The following FRMD4A variants were observed in gnomAD, a reference collection of about 807,000 sequenced individuals.
The protein encoded by FRMD4A is FERM domain-containing protein 4A.
Under a neutral mutation model 129.1 loss-of-function variants are expected in FRMD4A, and 29 were observed. The observed-to-expected ratio is 0.22, with a 90% CI of 0.17 to 0.31. FRMD4A has a LOEUF of 0.31. FRMD4A is among the 10% of genes least tolerant of loss of function. FRMD4A has a pLI of 1.00. For missense variants in FRMD4A, 1,272 were observed against 1,375.8 expected (o/e 0.92, Z 1.19); for synonymous variants, 634 against 571.6 (o/e 1.11, Z -1.56).
intron 2 of FRMD4A, among the ~76,000 whole-genome samples, chr10:14,249,903 C>T (rs1431737557): frequency 6.6e-6 from 1 of 152,142 alleles, no homozygotes; most frequent in Non-Finnish European, 1.5e-5. Flanking sequence ...AACACAACAA[C>T]ATATTAATGT....
intron 2 of FRMD4A, among the ~76,000 whole-genome samples, chr10:13,872,117 T>C (rs111682555): frequency 0.013 from 2,015 of 152,350 alleles, 23 homozygotes; most frequent in Non-Finnish European, 0.022. Flanking sequence ...AACCACTGAC[T>C]GCCGCCTACA....
At chr10:14,115,232 A>G (rs762156830) in intron 2 of FRMD4A, among the ~76,000 whole-genome samples, 1 of 152,206 alleles carries the variant, frequency 6.6e-6, no homozygotes, top group Non-Finnish European at 1.5e-5. Context: ...GTGACAATAG[A>G]CACCTGTGCT....
At chr10:13,695,457 T>A (rs1040145104) in intron 14 of FRMD4A, among the ~76,000 whole-genome samples, 1 of 152,220 alleles carries the variant, frequency 6.6e-6, no homozygotes, top group African/African-American at 2.4e-5. Context: ...GTGGTTTTTA[T>A]AAGGTATCTG....
chr10:14,161,877 T>G (rs1378485640), intron 2 of FRMD4A, among the ~76,000 whole-genome samples: 2 of 152,166 alleles, frequency 1.3e-5, no homozygotes, highest in Non-Finnish European at 2.9e-5. Context: ...GATTTGATCA[T>G]TACACATTGT....
chr10:14,004,133 G>T (rs566773082), intron 2 of FRMD4A, among the ~76,000 whole-genome samples: 18 of 152,192 alleles, frequency 1.2e-4, no homozygotes, highest in African/African-American at 4.3e-4. Flanking sequence ...TCCCAGAAAA[G>T]TTATCACCAC....
At chr10:14,219,201 G>A (rs1402129641) in intron 2 of FRMD4A, among the ~76,000 whole-genome samples, 1 of 152,060 alleles carries the variant, frequency 6.6e-6, no homozygotes, top group Admixed American at 6.6e-5. Context: ...GTTTTGCACT[G>A]TCCAAGCACT....
chr10:13,992,728 C>T (rs142805600), intron 2 of FRMD4A, among the ~76,000 whole-genome samples: 2,995 of 151,934 alleles, frequency 0.02, 90 homozygotes, highest in East Asian at 0.13. Flanking sequence ...CCAAGACACG[C>T]GGATCACCTG....
intron 2 of FRMD4A, among the ~76,000 whole-genome samples, chr10:14,278,507 C>T (rs566689951): frequency 6.6e-6 from 1 of 152,300 alleles, no homozygotes; most frequent in Admixed American, 6.5e-5. Context: ...CAGAAGTCTT[C>T]CTTTCAGCGA....
intron 20 of FRMD4A, 149 bp downstream of exon 20, chr10:13,660,167 G>A: frequency 1.7e-6 from 1 of 599,178 alleles, no homozygotes. Flanking sequence ...AGAGGGCGCT[G>A]TGAGCACGGC....
At chr10:14,219,454 T>G (rs1272733104) in intron 2 of FRMD4A, among the ~76,000 whole-genome samples, 3 of 152,156 alleles carry the variant, frequency 2.0e-5, no homozygotes, top group African/African-American at 7.2e-5. Context: ...CATCAGAAAT[T>G]TGCAAAGTAA....
chr10:13,920,991 A>C (rs1589276254), intron 2 of FRMD4A, among the ~76,000 whole-genome samples: 2 of 152,272 alleles, frequency 1.3e-5, no homozygotes, highest in South Asian at 2.1e-4. Context: ...CAGATGTCTT[A>C]GTCTGTTCAG....
chr10:13,782,015 T>C (rs1355224248), intron 6 of FRMD4A, among the ~76,000 whole-genome samples: 4 of 152,128 alleles, frequency 2.6e-5, no homozygotes, highest in Non-Finnish European at 5.9e-5. Context: ...GTGCACCAAA[T>C]TCTCACAAAT....
intron 12 of FRMD4A, among the ~76,000 whole-genome samples, chr10:13,722,077 G>A (rs191830341): frequency 1.3e-5 from 2 of 152,248 alleles, no homozygotes; most frequent in Admixed American, 6.5e-5. Flanking sequence ...GGGACCCCAC[G>A]CAGTGCAGCA....
At chr10:14,200,340 C>T (rs1234173062) in intron 2 of FRMD4A, among the ~76,000 whole-genome samples, 1 of 141,188 alleles carries the variant, frequency 7.1e-6, no homozygotes, top group African/African-American at 2.5e-5. Context: ...CACACCCAGG[C>T]TGGAGTGCAG....
At chr10:13,798,304 C>T (rs1313971165) in intron 4 of FRMD4A, among the ~76,000 whole-genome samples, 8 of 152,130 alleles carry the variant, frequency 5.3e-5, no homozygotes, top group Non-Finnish European at 4.4e-5. Context: ...CCCAGCTACT[C>T]GGGAGGCTGA....
intron 2 of FRMD4A, among the ~76,000 whole-genome samples, chr10:14,060,986 T>G (rs4750459): frequency 0.38 from 57,449 of 151,898 alleles, 13,869 homozygotes; most frequent in Non-Finnish European, 0.54. Flanking sequence ...AGATTTCCTT[T>G]TCCTAATATA....
chr10:13,670,033 G>A (rs1044585789), intron 17 of FRMD4A, among the ~76,000 whole-genome samples: 1 of 152,068 alleles, frequency 6.6e-6, no homozygotes, highest in Middle Eastern at 3.2e-3. Flanking sequence ...TCCTTCTCTC[G>A]GCAGCTTTTC....
intron 2 of FRMD4A, among the ~76,000 whole-genome samples, chr10:14,309,686 T>C (rs61836142): frequency 0.12 from 18,468 of 151,946 alleles, 1,223 homozygotes; most frequent in Middle Eastern, 0.24. Flanking sequence ...TGCCTCCATA[T>C]CTAACAGTGG....
Position 13,656,974 on chromosome 10 carries a change from G to C in FRMD4A, c.2615C>G (p.Ser872Cys). 1 of 1,548,608 alleles carries C rather than the reference G, an allele frequency of 6.5e-7. No individual in the cohort carries two copies. The highest frequency in any genetic ancestry group is 1.4e-5 in the African/African-American group (1 of 70,928). The change falls in exon 22 of 25, where the codon TCC (serine) becomes TGC (cysteine). Residue 872 changes from serine (S) to cysteine (C), a missense_variant. By Grantham distance (112) the Ser-to-Cys change is moderately radical (BLOSUM62 -1). Around this residue, in one of 2 missense-constraint regions of FRMD4A, gnomAD observed 972 missense variants for 892.3 expected, o/e 1.09. Coordinates refer to ENST00000357447, the MANE Select transcript of FRMD4A (RefSeq NM_018027.5). ...SVKAQFKTSN[S>C]YTAGGLFKES... is the part of the protein sequence containing the mutation. Reference sequence around the variant, plus strand: ...CTTGAACAGGCCGCCCGCCGTGTAGGAGTTGGACGTCTTGAACTGAGCCTT... The same window carrying C: ...CTTGAACAGGCCGCCCGCCGTGTAGCAGTTGGACGTCTTGAACTGAGCCTT...
Sources: allele counts gnomAD v4.1 joint callset (sites outside exome capture counted in the v4.1 genomes callset), GRCh38; gene constraint gnomAD v4.1.1; regional missense constraint gnomAD v4.1.1; transcripts MANE v1.5; gene names NCBI Gene and HGNC (gene_info 2026-07-23, HGNC 2026-07-21).